SEMA3A: variants seen among roughly 807,000 people sequenced by gnomAD.
SEMA3A encodes the protein semaphorin-3A.
A neutral mutation model predicts 97.9 loss-of-function variants in SEMA3A; 29 were observed. The ratio of observed to expected loss-of-function variants is 0.30; its 90% CI spans 0.22 to 0.40. The LOEUF is 0.40. SEMA3A is among the 10% of genes least tolerant of loss of function. The pLI, the probability that SEMA3A is intolerant of heterozygous loss-of-function variation, is 1.00. For synonymous variants in SEMA3A, 321 were observed against 323.7 expected (o/e 0.99, Z 0.09); for missense variants, 763 against 951.3 (o/e 0.80, Z 2.60).
chr7:84,448,830 C>T (rs1805489583), intron 1 of SEMA3A, among the ~76,000 whole-genome samples: 1 of 151,592 alleles, frequency 6.6e-6, no homozygotes. Flanking sequence ...CACAAAAAAG[C>T]TCCAATACCC....
intron 3 of SEMA3A, among the ~76,000 whole-genome samples, chr7:84,116,532 C>T (rs919746842): frequency 6.6e-6 from 1 of 152,080 alleles, no homozygotes; most frequent in Non-Finnish European, 1.5e-5. Flanking sequence ...AAATTTATAC[C>T]TTGAAGCTCT....
chr7:84,324,177 G>A (rs1400875188), intron 2 of SEMA3A, among the ~76,000 whole-genome samples: 2 of 152,176 alleles, frequency 1.3e-5, no homozygotes, highest in African/African-American at 4.8e-5. Context: ...TACAGTGTGT[G>A]TGAAGACCTT....
intron 1 of SEMA3A, among the ~76,000 whole-genome samples, chr7:84,476,313 C>T (rs888107172): frequency 2.0e-5 from 3 of 150,154 alleles, no homozygotes; most frequent in African/African-American, 7.4e-5. Context: ...GAGCCGAGAT[C>T]GCACCACTGC....
rs545133863 is a variant in SEMA3A, at chr7:84,401,762, G to T, written c.-245-29862C>A. ...CACCAAGAACATATGTTGGATAATGGAGAGTGTCTGTAATCAATGGTGCTA... is the reference window on the plus strand; with the variant it reads ...CACCAAGAACATATGTTGGATAATGTAGAGTGTCTGTAATCAATGGTGCTA... On this transcript the variant is annotated intron_variant, in intron 1 of 3. Coordinates refer to the SEMA3A transcript ENST00000424555. Among the ~76,000 whole-genome samples, 7 of 152,282 alleles carry T rather than the reference G, an allele frequency of 4.6e-5. No individual in the cohort carries two copies. The East Asian group carries it at 1.3e-3, about 29-fold the overall frequency.
At chr7:84,336,106 T>C (rs1802032886) in intron 2 of SEMA3A, among the ~76,000 whole-genome samples, 1 of 152,168 alleles carries the variant, frequency 6.6e-6, no homozygotes, top group Non-Finnish European at 1.5e-5. Flanking sequence ...GAGCACCTTC[T>C]TCCTAGACAC....
chr7:84,152,588 T>A (rs1306036541), intron 1 of SEMA3A, among the ~76,000 whole-genome samples: 1 of 142,030 alleles, frequency 7.0e-6, no homozygotes, highest in Non-Finnish European at 1.5e-5. Flanking sequence ...ATATACCTAA[T>A]GCTAGATGAC....
chr7:84,127,217 G>A (rs1445369572), intron 3 of SEMA3A, among the ~76,000 whole-genome samples: 1 of 151,768 alleles, frequency 6.6e-6, no homozygotes, highest in Non-Finnish European at 1.5e-5. Context: ...ATCCTGTTGA[G>A]TCAGTTTACA....
intron 15 of SEMA3A, among the ~76,000 whole-genome samples, chr7:83,971,031 A>G (rs1584490688): frequency 6.6e-6 from 1 of 152,236 alleles, no homozygotes; most frequent in East Asian, 1.9e-4. Flanking sequence ...AGATGAGTCA[A>G]TATCTCTTGA....
chr7:84,283,651 G>GT (rs934845441), intron 3 of SEMA3A, among the ~76,000 whole-genome samples: 3 of 151,894 alleles, frequency 2.0e-5, no homozygotes, highest in African/African-American at 4.8e-5. Flanking sequence ...TATATGCAGG[G>GT]TTTTTTCCAC....
intron 6 of SEMA3A, among the ~76,000 whole-genome samples, chr7:84,026,090 C>A (rs1047821956): frequency 2.0e-5 from 3 of 152,122 alleles, no homozygotes; most frequent in African/African-American, 7.2e-5. Flanking sequence ...CCAAAAGCAA[C>A]GGTTCGTAGT....
intron 1 of SEMA3A, among the ~76,000 whole-genome samples, chr7:84,429,303 T>G (rs907861186): frequency 1.3e-5 from 2 of 151,454 alleles, no homozygotes; most frequent in African/African-American, 4.8e-5. Flanking sequence ...ACTTCAAAAT[T>G]GAACTAGTAC....
intron 3 of SEMA3A, among the ~76,000 whole-genome samples, chr7:84,269,547 T>C (rs1800092482): frequency 6.6e-6 from 1 of 152,106 alleles, no homozygotes; most frequent in Admixed American, 6.6e-5. Context: ...AGGGGAATTG[T>C]ATAAGATAAA....
At chr7:84,273,106 T>C (rs922106465) in intron 3 of SEMA3A, among the ~76,000 whole-genome samples, 3 of 152,224 alleles carry the variant, frequency 2.0e-5, no homozygotes, top group African/African-American at 7.2e-5. Context: ...GATACATTAA[T>C]GTAAGCATGA....
At chr7:83,984,500 A>T (rs537336130) in intron 13 of SEMA3A, among the ~76,000 whole-genome samples, 1 of 152,064 alleles carries the variant, frequency 6.6e-6, no homozygotes, top group Admixed American at 6.6e-5. Context: ...TAAAACATGT[A>T]AACAGTTCAG....
rs73189373 is a variant in SEMA3A at position 84,081,729 on chromosome 7, A to G, written c.454-21171T>C. Among the ~76,000 whole-genome samples, 998 of 152,220 alleles carry G rather than the reference A, an allele frequency of 6.6e-3. 3 individuals are homozygous for G. The highest frequency in any genetic ancestry group is 0.01 in the Non-Finnish European group (703 of 67,998). ...AACTGAATGGAAATATGCAGACATT[A>G]AAACATTACTTTGGACTACTTATTA... On this transcript the variant is annotated intron_variant, in intron 4 of 16. Transcript: ENST00000265362.
At position 84,365,426 on chromosome 7, in the gene SEMA3A, T is replaced by TCACAG. The variant is rs1156487919; in HGVS notation, c.-169+6397_-169+6398insCTGTG. 2.6e-5 allele frequency among the ~76,000 whole-genome samples: 4 copies of TCACAG among 151,598 alleles called. No homozygotes were observed. In the East Asian group the frequency reaches 7.8e-4, roughly 29 times the overall value. On this transcript the variant is annotated intron_variant, in intron 2 of 3. Coordinates refer to the SEMA3A transcript ENST00000424555. ...ATACTTGAAATAGAGGCTGAAAGTG[T>TCACAG]ATTACTTGTTCAGTGTCACAGAGCT...
chr7:84,002,517 A>G (rs1346107846), intron 11 of SEMA3A, among the ~76,000 whole-genome samples: 1 of 152,160 alleles, frequency 6.6e-6, no homozygotes, highest in Non-Finnish European at 1.5e-5. Context: ...ACTAAATATA[A>G]ATGAAAAATG....
At chr7:84,256,375 G>A (rs1393696232) in intron 3 of SEMA3A, among the ~76,000 whole-genome samples, 1 of 151,928 alleles carries the variant, frequency 6.6e-6, no homozygotes. Flanking sequence ...CTCTATTGAA[G>A]TGCATTACAA....
At chr7:84,348,101 A>C (rs1376336383) in intron 2 of SEMA3A, among the ~76,000 whole-genome samples, 2 of 152,124 alleles carry the variant, frequency 1.3e-5, no homozygotes, top group Non-Finnish European at 2.9e-5. Flanking sequence ...TGAACCTAAA[A>C]CTACTCCAAA....
Sources: allele counts gnomAD v4.1 joint callset (sites outside exome capture counted in the v4.1 genomes callset), GRCh38; gene constraint gnomAD v4.1.1; transcripts MANE v1.5; gene names NCBI Gene and HGNC (gene_info 2026-07-23, HGNC 2026-07-21).